The following CCDC150 variants were observed in gnomAD, a reference collection of about 807,000 sequenced individuals.
CCDC150 encodes the protein coiled-coil domain containing 150, also known as coiled-coil domain-containing protein 150.
A neutral mutation model predicts 156.5 loss-of-function variants in CCDC150; 151 were observed. The observed-to-expected ratio is 0.97, with a 90% CI of 0.85 to 1.10. CCDC150 has a LOEUF of 1.10. CCDC150 is among the 50% of genes least tolerant of loss of function. CCDC150 has a pLI of 0.00. For missense variants in CCDC150, 1,312 were observed against 1,268.1 expected, an observed-to-expected ratio of 1.03 and a Z score of -0.53; for synonymous variants, 452 against 429.4, an observed-to-expected ratio of 1.05 and a Z score of -0.65.
At chr2:196,686,348 A>C (rs1292269996) in intron 13 of CCDC150, 1 of 153,430 alleles carries the variant, frequency 6.5e-6, no homozygotes, top group Non-Finnish European at 1.5e-5. Context: ...GTAGCTTTAT[A>C]ATAAATCGTG....
chr2:196,669,668 C>G (rs986940763), intron 7 of CCDC150, among the ~76,000 whole-genome samples, 165 bp from the exon 8 acceptor site: 1 of 152,068 alleles, frequency 6.6e-6, no homozygotes, highest in Non-Finnish European at 1.5e-5. Flanking sequence ...GGACTAGTTT[C>G]TTGGTAATTC....
At chr2:196,670,934 C>T (rs958254281) in intron 8 of CCDC150, among the ~76,000 whole-genome samples, 1 of 152,140 alleles carries the variant, frequency 6.6e-6, no homozygotes, top group African/African-American at 2.4e-5. Flanking sequence ...CCTTCTGCCC[C>T]TATTCATGCA....
intron 13 of CCDC150, among the ~76,000 whole-genome samples, chr2:196,694,509 AG>A (rs1307044942): frequency 6.6e-6 from 1 of 152,184 alleles, no homozygotes; most frequent in Non-Finnish European, 1.5e-5. Context: ...AGAGAGAAAA[AG>A]GGTTCTTTTT....
At chr2:196,655,204 T>C (rs1271132457) in intron 2 of CCDC150, among the ~76,000 whole-genome samples, 1 of 152,254 alleles carries the variant, frequency 6.6e-6, no homozygotes, top group African/African-American at 2.4e-5. Flanking sequence ...GGCAAATACC[T>C]ATACTACTGT....
intron 21 of CCDC150, among the ~76,000 whole-genome samples, chr2:196,724,870 T>C (rs1698123434): frequency 6.6e-6 from 1 of 152,188 alleles, no homozygotes; most frequent in Non-Finnish European, 1.5e-5. Context: ...GAAATAACCA[T>C]AATTATATCC....
chr2:196,686,853 A>G (rs545802144), intron 13 of CCDC150, among the ~76,000 whole-genome samples: 4 of 152,292 alleles, frequency 2.6e-5, no homozygotes, highest in Middle Eastern at 3.4e-3. Flanking sequence ...TTATAAGAGA[A>G]CATGCAACAT....
At chr2:196,646,961 A>C (rs1216287233) in intron 2 of CCDC150, among the ~76,000 whole-genome samples, 1 of 152,150 alleles carries the variant, frequency 6.6e-6, no homozygotes, top group Non-Finnish European at 1.5e-5. Flanking sequence ...TGAGATACTA[A>C]AAAACAATTT....
chr2:196,671,828 T>C (rs1046458835), intron 8 of CCDC150, among the ~76,000 whole-genome samples: 1 of 152,238 alleles, frequency 6.6e-6, no homozygotes, highest in African/African-American at 2.4e-5. Flanking sequence ...GCTCCAACCT[T>C]TGGCAATTAT....
chr2:196,674,451 C>A (rs1201181276), intron 10 of CCDC150, 103 bp downstream of exon 10: 3 of 683,034 alleles, frequency 4.4e-6, no homozygotes, highest in East Asian at 5.5e-5. Context: ...CAATAAATTT[C>A]AAAAAATCTA....
intron 15 of CCDC150, among the ~76,000 whole-genome samples, chr2:196,710,909 A>T (rs1240659361): frequency 2.0e-5 from 3 of 152,008 alleles, no homozygotes; most frequent in South Asian, 4.1e-4. Context: ...GGATGATGGC[A>T]TATATGTCTG....
At chr2:196,676,393 G>A in intron 11 of CCDC150, 126 bp downstream of exon 11, 1 of 1,376,470 alleles carries the variant, frequency 7.3e-7, no homozygotes, top group Non-Finnish European at 1.0e-6. Flanking sequence ...GCCAGCCACA[G>A]AGCTAAAATA....
At chr2:196,642,492 T>G (rs1246621942) in intron 1 of CCDC150, among the ~76,000 whole-genome samples, 1 of 152,176 alleles carries the variant, frequency 6.6e-6, no homozygotes, top group African/African-American at 2.4e-5. Flanking sequence ...AAGCCCCAAC[T>G]TGGTAGATTA....
intron 15 of CCDC150, among the ~76,000 whole-genome samples, chr2:196,706,665 T>C (rs72918649): frequency 6.6e-6 from 1 of 152,354 alleles, no homozygotes; most frequent in Non-Finnish European, 1.5e-5. Context: ...TAAATAGCTC[T>C]TATTATTTTG....
chr2:196,724,041 A>G (rs1698075066), intron 21 of CCDC150, among the ~76,000 whole-genome samples: 2 of 152,208 alleles, frequency 1.3e-5, no homozygotes, highest in Non-Finnish European at 1.5e-5. Context: ...ATCTTTAAAG[A>G]TGAGGTTGGA....
intron 21 of CCDC150, among the ~76,000 whole-genome samples, chr2:196,722,135 A>G (rs1697954816): frequency 6.6e-6 from 1 of 152,224 alleles, no homozygotes; most frequent in African/African-American, 2.4e-5. Context: ...GAGATTACTT[A>G]GATCAGACTT....
intron 21 of CCDC150, among the ~76,000 whole-genome samples, 199 bp downstream of exon 21, chr2:196,721,890 C>T (rs1455586940): frequency 6.6e-6 from 1 of 152,160 alleles, no homozygotes; most frequent in African/African-American, 2.4e-5. Flanking sequence ...GATCATTTGA[C>T]TCTCCTTCTC....
intron 17 of CCDC150, chr2:196,713,226 A>G: frequency 7.9e-7 from 1 of 1,269,994 alleles, no homozygotes; most frequent in African/African-American, 1.5e-5. Context: ...AAAGCAGAGA[A>G]ACACATTTTC....
At chr2:196,684,178 A>G (rs1332715363) in intron 13 of CCDC150, among the ~76,000 whole-genome samples, 1 of 152,092 alleles carries the variant, frequency 6.6e-6, no homozygotes, top group African/African-American at 2.4e-5. Flanking sequence ...AATAAAAAAT[A>G]AGTTTCTGCA....
chr2:196,647,243 A>C (rs1692599792), intron 2 of CCDC150, among the ~76,000 whole-genome samples: 1 of 152,114 alleles, frequency 6.6e-6, no homozygotes, highest in Non-Finnish European at 1.5e-5. Flanking sequence ...TATGACTTTA[A>C]AAATTTTCTA....
Sources: allele counts gnomAD v4.1 joint callset (sites outside exome capture counted in the v4.1 genomes callset), GRCh38; gene constraint gnomAD v4.1.1; transcripts MANE v1.5; gene names NCBI Gene and HGNC (gene_info 2026-07-23, HGNC 2026-07-21).